Variants in KIF1B observed in about 807,000 individuals in gnomAD.
KIF1B encodes kinesin-like protein KIF1B.
A neutral mutation model predicts 241.9 loss-of-function variants in KIF1B; 76 were observed. The observed-to-expected ratio is 0.31, with a 90% CI of 0.26 to 0.38. The LOEUF (loss-of-function observed/expected upper bound fraction) is 0.38, where lower values mean the gene tolerates loss of function less well. KIF1B is among the 10% of genes least tolerant of loss of function. The probability of loss-of-function intolerance (pLI) is 1.00; values close to 1 mark genes in which losing one functional copy is unlikely to be tolerated. For synonymous variants in KIF1B, 750 were observed against 796.7 expected (o/e 0.94, Z 0.99); for missense variants, 1,622 against 2,271.4 (o/e 0.71, Z 5.81).
intron 43 of KIF1B, among the ~76,000 whole-genome samples, chr1:10,367,356 A>C (rs953815978): frequency 6.6e-5 from 10 of 151,756 alleles, no homozygotes; most frequent in Middle Eastern, 3.4e-3. Context: ...TCAGCCTCCC[A>C]AAGTGCTAGG....
Position 10,326,469 on chromosome 1 carries a change from T to G in KIF1B, c.2924+110T>G, listed in dbSNP as rs111562552. On this transcript the variant is annotated intron_variant, in intron 27 of 48. Coordinates refer to ENST00000676179, the MANE Select transcript of KIF1B (RefSeq NM_001365951.3). The surrounding 1 kb of genome is among the most constrained non-coding windows in gnomAD (Gnocchi z 5.2). The stretch of plus-strand genomic sequence containing the variant: ...TGCATTAGCCAATTCAACTCATGAA[T>G]GCTCTTTTTCAAGTTCTCCAATACT... 9.7e-3 allele frequency: 13,490 copies of G among 1,386,564 alleles called. 111 individuals are homozygous for G. The highest frequency in any genetic ancestry group is 0.012 in the Middle Eastern group (69 of 5,522). The allele number at this position is 1,386,564 out of a possible 1,614,324, so 85.9% of individuals were successfully genotyped here.
intron 2 of KIF1B, among the ~76,000 whole-genome samples, chr1:10,255,853 G>A (rs1014254778): frequency 5.3e-5 from 8 of 152,114 alleles, no homozygotes; most frequent in South Asian, 4.2e-4. Context: ...GCAGTGGCTC[G>A]ATAACAGCTA....
At chr1:10,334,721 TA>T in intron 28 of KIF1B, 83 bp downstream of exon 28, 1 of 1,014,122 alleles carries the variant, frequency 9.9e-7, no homozygotes, top group Non-Finnish European at 1.6e-6. Flanking sequence ...GTCACGCTTA[TA>T]TTACACATAC....
intron 24 of KIF1B, 44 bp from the exon 25 acceptor site, chr1:10,323,840 G>C: frequency 6.5e-7 from 1 of 1,528,544 alleles, no homozygotes; most frequent in Non-Finnish European, 9.1e-7. Context: ...TCTGAAGCTT[G>C]CTTGCTGAAA....
chr1:10,237,542 C>CT (rs1242338317), intron 2 of KIF1B, among the ~76,000 whole-genome samples: 1 of 152,062 alleles, frequency 6.6e-6, no homozygotes, highest in East Asian at 1.9e-4. Context: ...TTGCCAGGAC[C>CT]TTTTTTTTCC....
intron 43 of KIF1B, among the ~76,000 whole-genome samples, chr1:10,366,522 G>A (rs1236406784): frequency 6.6e-6 from 1 of 152,178 alleles, no homozygotes; most frequent in East Asian, 1.9e-4. Context: ...TGCGTGATCA[G>A]GAGGGAGGCA....
chr1:10,300,000 G>GC (rs1182742707), intron 22 of KIF1B, among the ~76,000 whole-genome samples: 1 of 151,820 alleles, frequency 6.6e-6, no homozygotes, highest in Non-Finnish European at 1.5e-5. Context: ...ACTTTGGGAG[G>GC]CCAGGGCTGG....
At chr1:10,296,207 C>T (rs1401467542) in intron 19 of KIF1B, among the ~76,000 whole-genome samples, 2 of 152,158 alleles carry the variant, frequency 1.3e-5, no homozygotes, top group African/African-American at 4.8e-5. Context: ...ATAAGTCACT[C>T]ATTCCCTTAT....
Position 10,282,321 on chromosome 1 carries a change from G to C in KIF1B, c.1223-1G>C, listed in dbSNP as rs757167642. On this transcript the variant is annotated splice_acceptor_variant, in intron 14 of 48. Transcript: ENST00000676179. LOFTEE classifies it high-confidence loss of function. ...TGCCTTCTCTTCTTTCTATCTCCCA[G>C]ATCTGAAAGATTTTCAGAACAATAA... 1.2e-6 allele frequency: 2 copies of C among 1,612,472 alleles called. No homozygotes were observed. The highest frequency in any genetic ancestry group is 2.2e-5 in the East Asian group (1 of 44,846).
In KIF1B at chr1:10,261,975, G is replaced by GT. The variant is rs2102194280; in HGVS notation, c.429+6dup. ...GAAATGTCTTACTCTGTAGAGGTGA[G>GT]TACAGCCGTGAGTTGACACCGTAAG... is the stretch of plus-strand genomic sequence containing the variant. On this transcript the variant is annotated splice_donor_region_variant and intron_variant, in intron 5 of 48. Transcript: ENST00000676179. The GT allele has an allele frequency of 1.9e-6, 3 of 1,601,868 alleles. No homozygotes were observed. The highest frequency in any genetic ancestry group is 3.3e-4 in the Middle Eastern group (2 of 6,048).
intron 38 of KIF1B, among the ~76,000 whole-genome samples, 187 bp from the exon 39 acceptor site, chr1:10,360,742 G>A (rs1370842990): frequency 6.6e-6 from 1 of 151,848 alleles, no homozygotes; most frequent in Non-Finnish European, 1.5e-5. Flanking sequence ...GGGGTTGGGA[G>A]CAAGAGGATG....
At chr1:10,221,094 CTTTTTTT>C (rs34039054) in intron 1 of KIF1B, among the ~76,000 whole-genome samples, 1 of 94,262 alleles carries the variant, frequency 1.1e-5, no homozygotes, top group Non-Finnish European at 2.0e-5. Flanking sequence ...CAGAAAGAAG[CTTTTTTT>C]TTTTTTTTTT....
chr1:10,247,206 C>T (rs1647231601), intron 2 of KIF1B, among the ~76,000 whole-genome samples: 1 of 152,184 alleles, frequency 6.6e-6, no homozygotes, highest in Non-Finnish European at 1.5e-5. Flanking sequence ...TCACTTTGGC[C>T]ACACAGCCTC....
intron 17 of KIF1B, among the ~76,000 whole-genome samples, chr1:10,293,110 T>G (rs1650087812): frequency 6.7e-6 from 1 of 150,036 alleles, no homozygotes; most frequent in African/African-American, 2.5e-5. Flanking sequence ...TCTTCCCAAA[T>G]TCCAATGTGT....
chr1:10,288,154 A>G (rs1173319634), intron 15 of KIF1B, among the ~76,000 whole-genome samples: 2 of 152,232 alleles, frequency 1.3e-5, no homozygotes, highest in Non-Finnish European at 2.9e-5. Flanking sequence ...AAGCAGTCAT[A>G]TGCAAAAGCA....
At chr1:10,322,684 A>T (rs1467007106) in intron 24 of KIF1B, among the ~76,000 whole-genome samples, 1 of 152,190 alleles carries the variant, frequency 6.6e-6, no homozygotes, top group Non-Finnish European at 1.5e-5. Context: ...GGAATACGAT[A>T]TGTTCTTCAT....
Position 10,365,944 on chromosome 1 carries a change from A to G in KIF1B, c.4752+296A>G, listed in dbSNP as rs1345190637. Among the ~76,000 whole-genome samples, 2 of 152,114 alleles carry G rather than the reference A, an allele frequency of 1.3e-5. No homozygotes were observed. The highest frequency in any genetic ancestry group is 4.8e-5 in the African/African-American group (2 of 41,400). ...GAGACCTTGTCTCTACAAAAACAAAAATTAGGCCAGGCATGGTGGCTCACA... is the reference window on the plus strand; with the variant it reads ...GAGACCTTGTCTCTACAAAAACAAAGATTAGGCCAGGCATGGTGGCTCACA... On this transcript the variant is annotated intron_variant, in intron 43 of 48. Coordinates refer to ENST00000676179, the MANE Select transcript of KIF1B (RefSeq NM_001365951.3). The surrounding 1 kb of genome is among the most constrained non-coding windows in gnomAD (Gnocchi z 4.0).
At chr1:10,334,168 A>AAAAG (rs1652072600) in intron 27 of KIF1B, among the ~76,000 whole-genome samples, 1 of 151,490 alleles carries the variant, frequency 6.6e-6, no homozygotes, top group Non-Finnish European at 1.5e-5. Context: ...AAAAAAAAAA[A>AAAAG]AGGTTGAGCT....
intron 22 of KIF1B, chr1:10,307,126 A>G: frequency 5.8e-6 from 6 of 1,031,000 alleles, no homozygotes; most frequent in Non-Finnish European, 7.0e-6. Flanking sequence ...ACAGATGACC[A>G]GGAAGAAATT....
Sources: gnomAD v4.1 joint callset for allele counts (sites outside exome capture counted in the v4.1 genomes callset) on GRCh38, gnomAD v4.1.1 for gene constraint, Gnocchi (gnomAD v3.1) non-coding constraint, MANE v1.5 for transcripts, NCBI Gene and HGNC (gene_info 2026-07-23, HGNC 2026-07-21) for gene names.